Variants in XYLT1 observed in about 807,000 individuals in gnomAD.
XYLT1 encodes the protein beta-D-xylosyltransferase 1.
In XYLT1, 36 loss-of-function variants were observed where a neutral mutation model predicts 91.3. That is an observed-to-expected ratio of 0.39 (90% CI 0.30 to 0.52). The LOEUF is 0.52. XYLT1 is among the 20% of genes least tolerant of loss of function. The pLI, the probability that XYLT1 is intolerant of heterozygous loss-of-function variation, is 0.68. For missense variants in XYLT1, 1,242 were observed against 1,284.5 expected (o/e 0.97, Z 0.51); for synonymous variants, 588 against 532.0 (o/e 1.11, Z -1.45).
intron 2 of XYLT1, among the ~76,000 whole-genome samples, chr16:17,310,342 C>A (rs1202895633): frequency 6.6e-6 from 1 of 152,158 alleles, no homozygotes; most frequent in African/African-American, 2.4e-5. Flanking sequence ...GGGAAAGGCT[C>A]CTGTTCCCTT....
At chr16:17,126,142 T>C (rs1430417451) in intron 10 of XYLT1, among the ~76,000 whole-genome samples, 1 of 152,210 alleles carries the variant, frequency 6.6e-6, no homozygotes. Flanking sequence ...TCACATGCTG[T>C]TATTTTTGCC....
rs142192982 is a variant in XYLT1, at chr16:17,440,491, G to A, written c.363+29943C>T. On this transcript the variant is annotated intron_variant, in intron 1 of 11. Coordinates refer to ENST00000261381, the MANE Select transcript of XYLT1 (RefSeq NM_022166.4). ...CAGCCATTTCTATCAGCTCTTTCTCGTTCTTTGATCTTAATTACATGAACA... is the reference window on the plus strand; with the variant it reads ...CAGCCATTTCTATCAGCTCTTTCTCATTCTTTGATCTTAATTACATGAACA... Among the ~76,000 whole-genome samples the A allele has an allele frequency of 9.9e-3, 1,510 of 152,228 alleles. 15 individuals are homozygous for A. The highest frequency in any genetic ancestry group is 0.031 in the Middle Eastern group (9 of 294).
chr16:17,222,857 A>G (rs2032994739), intron 3 of XYLT1, among the ~76,000 whole-genome samples: 1 of 150,996 alleles, frequency 6.6e-6, no homozygotes, highest in Non-Finnish European at 1.5e-5. Context: ...GCAGTATTTC[A>G]GTATTTTCAG....
At chr16:17,228,359 T>C (rs1164278265) in intron 3 of XYLT1, among the ~76,000 whole-genome samples, 2 of 152,254 alleles carry the variant, frequency 1.3e-5, no homozygotes, top group Non-Finnish European at 2.9e-5. Flanking sequence ...AATTAGGTGA[T>C]GCAGGAAGCT....
rs1020135667 is a variant in XYLT1, at chr16:17,312,420, G to T, written c.402+45592C>A. On this transcript the variant is annotated intron_variant, in intron 2 of 11. Transcript: ENST00000261381. The surrounding 1 kb of genome is among the most constrained non-coding windows in gnomAD (Gnocchi z 4.4). ...TCCTGTAGCGCTTACCATGTATGGG[G>T]TCTTGTCTCAGGGCCTTACCCGCAT... 1.3e-5 allele frequency among the ~76,000 whole-genome samples: 2 copies of T among 152,112 alleles called. No homozygotes were observed. The highest frequency in any genetic ancestry group is 4.8e-5 in the African/African-American group (2 of 41,432).
intron 3 of XYLT1, chr16:17,250,329 A>C (rs1167410913): frequency 2.0e-5 from 3 of 152,252 alleles, no homozygotes; most frequent in African/African-American, 7.2e-5. Context: ...AGTGGGTAGA[A>C]AACAAATCAG....
chr16:17,127,750 C>T lies in XYLT1; in HGVS notation c.2139G>A (p.Glu713=). 1 of 1,614,222 alleles carries T rather than the reference C, an allele frequency of 6.2e-7. No homozygotes were observed. The highest frequency in any genetic ancestry group is 8.5e-7 in the Non-Finnish European group (1 of 1,180,042). Residue 713 remains glutamate, a synonymous_variant, in exon 10 of 12, where the codon GAG becomes GAA. Transcript: ENST00000261381. ...TCGGCATCACCCAGGTCTCCAGAGT[C>T]TCTAGTTTGCTCACAGCCAGATTGG... ...HATNLAVSKL[E]TLETWVMPKK... is the part of the protein sequence containing the mutation.
At chr16:17,115,776 G>A (rs1966850763) in intron 11 of XYLT1, among the ~76,000 whole-genome samples, 1 of 115,610 alleles carries the variant, frequency 8.6e-6, no homozygotes, top group Non-Finnish European at 1.6e-5. Flanking sequence ...GTAAACCATG[G>A]CACCCAGCCA....
chr16:17,321,342 CTTTTTTTTTTTTTTTTTTTT>C (rs10606202), intron 2 of XYLT1, among the ~76,000 whole-genome samples: 50 of 43,628 alleles, frequency 1.1e-3, no homozygotes, highest in African/African-American at 3.1e-3. Flanking sequence ...ACTAACTAGC[CTTTTTTTTTTTTTTTTTTTT>C]TTTTTTTTTT....
chr16:17,436,493 A>C (rs1298555718), intron 1 of XYLT1, among the ~76,000 whole-genome samples: 1 of 152,228 alleles, frequency 6.6e-6, no homozygotes, highest in Non-Finnish European at 1.5e-5. Context: ...GATGGCACAT[A>C]GTATGGGCCC....
intron 1 of XYLT1, among the ~76,000 whole-genome samples, chr16:17,416,974 A>G (rs932530751): frequency 2.0e-5 from 3 of 152,194 alleles, no homozygotes; most frequent in Non-Finnish European, 4.4e-5. Flanking sequence ...TAACCAGGCA[A>G]TGGTTTAGAT....
At chr16:17,417,383 T>G (rs561379301) in intron 1 of XYLT1, among the ~76,000 whole-genome samples, 8 of 152,284 alleles carry the variant, frequency 5.3e-5, no homozygotes, top group Non-Finnish European at 8.8e-5. Flanking sequence ...CTAGTCTGGA[T>G]CCTTTTGCAG....
chr16:17,323,762 A>G (rs2034760589), intron 2 of XYLT1, among the ~76,000 whole-genome samples: 1 of 151,176 alleles, frequency 6.6e-6, no homozygotes. Context: ...TCTCCTTTTG[A>G]AAAAAAAAGA....
intron 3 of XYLT1, among the ~76,000 whole-genome samples, chr16:17,223,495 T>C (rs2033009491): frequency 6.6e-6 from 1 of 152,222 alleles, no homozygotes; most frequent in Non-Finnish European, 1.5e-5. Context: ...AAAATAGAAA[T>C]GTGATGCACA....
At chr16:17,254,343 C>A (rs2033594957) in intron 3 of XYLT1, among the ~76,000 whole-genome samples, 1 of 152,130 alleles carries the variant, frequency 6.6e-6, no homozygotes, top group African/African-American at 2.4e-5. Flanking sequence ...TATACTTTCT[C>A]CTCCTTATGA....
At chr16:17,327,564 G>GT (rs1181188560) in intron 2 of XYLT1, among the ~76,000 whole-genome samples, 1 of 134,318 alleles carries the variant, frequency 7.4e-6, no homozygotes, top group Non-Finnish European at 1.5e-5. Context: ...GAGTTTCACC[G>GT]TGTTAGCCAG....
intron 2 of XYLT1, among the ~76,000 whole-genome samples, chr16:17,265,158 G>C (rs1447659442): frequency 3.3e-5 from 5 of 152,052 alleles, no homozygotes; most frequent in African/African-American, 1.2e-4. Context: ...CTGCACTGCA[G>C]CCTGGGTGAC....
intron 3 of XYLT1, among the ~76,000 whole-genome samples, chr16:17,248,587 T>G (rs1431699849): frequency 4.6e-5 from 7 of 152,166 alleles, no homozygotes; most frequent in Non-Finnish European, 1.0e-4. Context: ...TCAACACCTC[T>G]GCCTACCCGA....
intron 1 of XYLT1, among the ~76,000 whole-genome samples, chr16:17,456,473 A>G: frequency 6.6e-6 from 1 of 151,438 alleles, no homozygotes; most frequent in East Asian, 1.9e-4. Flanking sequence ...AAGTAGCTGG[A>G]ACTACAGGCA....
Sources: gnomAD v4.1 joint callset for allele counts (sites outside exome capture counted in the v4.1 genomes callset) on GRCh38, gnomAD v4.1.1 for gene constraint, Gnocchi (gnomAD v3.1) non-coding constraint, MANE v1.5 for transcripts, NCBI Gene and HGNC (gene_info 2026-07-23, HGNC 2026-07-21) for gene names.